The following UBR3 variants were observed in gnomAD, a reference collection of about 807,000 sequenced individuals.
UBR3 encodes the protein ubiquitin protein ligase E3 component n-recognin 3, also known as E3 ubiquitin-protein ligase UBR3.
Under a neutral mutation model 243.2 loss-of-function variants are expected in UBR3, and 85 were observed. The observed-to-expected ratio is 0.35, with a 90% CI of 0.29 to 0.42. The LOEUF (loss-of-function observed/expected upper bound fraction) is 0.42, where lower values mean the gene tolerates loss of function less well. Among genes scored for constraint, UBR3 ranks in the 10% least tolerant of loss-of-function variants. The pLI, the probability that UBR3 is intolerant of heterozygous loss-of-function variation, is 1.00. For missense variants in UBR3, 1,686 were observed against 2,300.8 expected (o/e 0.73, Z 5.47); for synonymous variants, 748 against 799.8 (o/e 0.94, Z 1.09).
At chr2:170,008,321 ATT>A (rs1393349062) in intron 28 of UBR3, among the ~76,000 whole-genome samples, 1 of 152,232 alleles carries the variant, frequency 6.6e-6, no homozygotes, top group Non-Finnish European at 1.5e-5. Context: ...ACCTAGATAG[ATT>A]CATCTGGCAA....
intron 1 of UBR3, among the ~76,000 whole-genome samples, chr2:169,833,743 T>G (rs1256760782): frequency 6.6e-6 from 1 of 152,072 alleles, no homozygotes; most frequent in African/African-American, 2.4e-5. Flanking sequence ...GTTACTTATG[T>G]GTTTAAAAGA....
At chr2:169,921,539 G>A (rs2105344104) in intron 11 of UBR3, among the ~76,000 whole-genome samples, 1 of 152,300 alleles carries the variant, frequency 6.6e-6, no homozygotes, top group African/African-American at 2.4e-5. Flanking sequence ...TAGGGTCCAT[G>A]GCTTACTAGT....
chr2:169,994,210 T>G, intron 25 of UBR3, 113 bp from the exon 26 acceptor site: 4 of 1,266,532 alleles, frequency 3.2e-6, no homozygotes, highest in South Asian at 3.3e-5. Context: ...TTAAAAATAT[T>G]CTAATAGTGA....
At chr2:170,062,554 T>C (rs1442629600) in intron 35 of UBR3, among the ~76,000 whole-genome samples, 1 of 152,230 alleles carries the variant, frequency 6.6e-6, no homozygotes, top group East Asian at 1.9e-4. Flanking sequence ...TCATTAGATA[T>C]TTTCTTTCAC....
At chr2:169,927,028 C>T in intron 16 of UBR3, 57 bp downstream of exon 16, 1 of 1,521,214 alleles carries the variant, frequency 6.6e-7, no homozygotes, top group Non-Finnish European at 8.9e-7. Context: ...CTTTCTCCCC[C>T]TCCCTGTGGT....
intron 18 of UBR3, among the ~76,000 whole-genome samples, chr2:169,930,496 G>GC (rs966388414): frequency 2.6e-5 from 4 of 151,766 alleles, no homozygotes; most frequent in Non-Finnish European, 5.9e-5. Context: ...AAGTGGTCCT[G>GC]CCACCTCAGC....
At chr2:170,070,563 G>T (rs373396867) in intron 35 of UBR3, among the ~76,000 whole-genome samples, 1 of 152,070 alleles carries the variant, frequency 6.6e-6, no homozygotes, top group East Asian at 1.9e-4. Context: ...CAAATAAAAT[G>T]ACCTTACCTC....
At chr2:169,852,898 T>A (rs1469210651) in intron 1 of UBR3, among the ~76,000 whole-genome samples, 1 of 144,400 alleles carries the variant, frequency 6.9e-6, no homozygotes, top group East Asian at 2.0e-4. Flanking sequence ...ACAAATTGAG[T>A]CCTTTAAGAG....
chr2:170,033,161 A>G (rs2090725506), intron 31 of UBR3, among the ~76,000 whole-genome samples: 1 of 152,070 alleles, frequency 6.6e-6, no homozygotes, highest in East Asian at 1.9e-4. Context: ...TTGACTAATT[A>G]AAAAGCTTAA....
chr2:170,001,344 G>A lies in UBR3; in HGVS notation c.3959G>A (p.Gly1320Asp). The change falls in exon 27 of 39, where the codon GGT (glycine) becomes GAT (aspartate). Residue 1320 changes from glycine (G) to aspartate (D), a missense_variant. Transcript: ENST00000272793. The stretch of plus-strand genomic sequence containing the variant: ...GCAGTATCAATTGGCTGGGAAGGAG[G>A]TGTTTATGTACAAACCTGTGGTCAC... ...LLAVSIGWEGGVYVQTCGHTL... is the reference protein window; with the variant it reads ...LLAVSIGWEGDVYVQTCGHTL... 6.2e-7 allele frequency: 1 copy of A among 1,613,664 alleles called. No individual in the cohort carries two copies. The highest frequency in any genetic ancestry group is 1.1e-5 in the South Asian group (1 of 91,070).
At chr2:169,960,674 C>T (rs2087530898) in intron 24 of UBR3, among the ~76,000 whole-genome samples, 1 of 152,064 alleles carries the variant, frequency 6.6e-6, no homozygotes, top group South Asian at 2.1e-4. Context: ...AACTAATAAG[C>T]ACCCCATCCT....
At chr2:169,909,745 A>G (rs2085176570) in intron 10 of UBR3, among the ~76,000 whole-genome samples, 1 of 151,564 alleles carries the variant, frequency 6.6e-6, no homozygotes, top group African/African-American at 2.4e-5. Context: ...GTGTGTGTAT[A>G]TATATATATA....
At chr2:169,876,337 T>G (rs549306954) in intron 3 of UBR3, among the ~76,000 whole-genome samples, 1 of 152,072 alleles carries the variant, frequency 6.6e-6, no homozygotes, top group Non-Finnish European at 1.5e-5. Context: ...GCCTTGGCCT[T>G]CCGAAGTGCT....
rs2091944241 is a variant in UBR3, at chr2:170,084,054, C to G, written c.*2211C>G. On this transcript the variant is annotated 3_prime_UTR_variant, in exon 39 of 39. Transcript: ENST00000272793. ...GATCTTTATAATTAAGCAGAAATTA[C>G]AAAACTAGGAATAATCAACATTGTA... 1 of 152,314 alleles carries G rather than the reference C, an allele frequency of 6.6e-6. No individual in the cohort carries two copies. The highest frequency in any genetic ancestry group is 1.5e-5 in the Non-Finnish European group (1 of 67,964). The allele number at this position is 152,314 out of a possible 1,614,324, so 9.4% of individuals were successfully genotyped here. A position where few individuals can be genotyped will look rare whatever the true frequency, so the allele number is the denominator to read the frequency against.
chr2:169,900,789 G>A (rs1304473367), intron 8 of UBR3, among the ~76,000 whole-genome samples: 1 of 146,380 alleles, frequency 6.8e-6, no homozygotes, highest in Non-Finnish European at 1.5e-5. Flanking sequence ...TTTTATATTC[G>A]TATCCTTACC....
At position 170,081,873 on chromosome 2, in the gene UBR3, C is replaced by T; in HGVS notation, c.*30C>T. 7.2e-7 allele frequency: 1 copy of T among 1,383,984 alleles called. No individual in the cohort carries two copies. Among genetic ancestry groups the T allele is most frequent in the Non-Finnish European group, 9.8e-7 (1 of 1,018,376 alleles). The allele number at this position is 1,383,984 out of a possible 1,614,324, so 85.7% of individuals were successfully genotyped here. On this transcript the variant is annotated 3_prime_UTR_variant, in exon 39 of 39. Coordinates refer to ENST00000272793, the MANE Select transcript of UBR3 (RefSeq NM_172070.4). ...CCACCTCAGCATTGCATCGTATCATCATTTTCGCTACGAATTTATTTTTCA... is the reference window on the plus strand; with the variant it reads ...CCACCTCAGCATTGCATCGTATCATTATTTTCGCTACGAATTTATTTTTCA...
At chr2:169,905,577 G>A (rs544101577) in intron 9 of UBR3, among the ~76,000 whole-genome samples, 10 of 152,202 alleles carry the variant, frequency 6.6e-5, no homozygotes, top group African/African-American at 2.4e-4. Flanking sequence ...GTCTCACTAT[G>A]TTGCCCAGGC....
intron 2 of UBR3, among the ~76,000 whole-genome samples, chr2:169,874,316 C>T (rs568412549): frequency 5.1e-4 from 77 of 152,098 alleles, no homozygotes; most frequent in African/African-American, 1.8e-3. Flanking sequence ...TTACAGGCGC[C>T]CACCACCACG....
intron 29 of UBR3, among the ~76,000 whole-genome samples, chr2:170,012,938 G>A (rs1479365389): frequency 6.6e-6 from 1 of 152,084 alleles, no homozygotes; most frequent in Non-Finnish European, 1.5e-5. Context: ...AGTTAGAGGG[G>A]TTTTTAATGT....
Sources: allele counts gnomAD v4.1 joint callset (sites outside exome capture counted in the v4.1 genomes callset), GRCh38; gene constraint gnomAD v4.1.1; transcripts MANE v1.5; gene names NCBI Gene and HGNC (gene_info 2026-07-23, HGNC 2026-07-21).